Variants in PIP5K1B observed in about 807,000 individuals in gnomAD.
PIP5K1B encodes the protein phosphatidylinositol-4-phosphate 5-kinase type 1 beta, also known as phosphatidylinositol 4-phosphate 5-kinase type-1 beta.
Under a neutral mutation model 67.0 loss-of-function variants are expected in PIP5K1B, and 42 were observed. That is an observed-to-expected ratio of 0.63 (90% confidence interval 0.49 to 0.81). The LOEUF (loss-of-function observed/expected upper bound fraction) is 0.81. Among genes scored for constraint, PIP5K1B ranks in the 30% least tolerant of loss-of-function variants. The pLI, the probability that PIP5K1B is intolerant of heterozygous loss-of-function variation, is 0.00. For missense variants in PIP5K1B, 459 were observed against 646.3 expected, an observed-to-expected ratio of 0.71 and a Z score of 3.14; for synonymous variants, 214 against 231.4, an observed-to-expected ratio of 0.92 and a Z score of 0.68.
intron 6 of PIP5K1B, among the ~76,000 whole-genome samples, chr9:68,877,491 G>A (rs1823956218): frequency 6.6e-6 from 1 of 152,100 alleles, no homozygotes; most frequent in African/African-American, 2.4e-5. Flanking sequence ...TAACACCCTG[G>A]GGGCTCCTCA....
chr9:68,952,137 A>T (rs941063674), intron 14 of PIP5K1B, among the ~76,000 whole-genome samples: 9 of 152,048 alleles, frequency 5.9e-5, no homozygotes, highest in African/African-American at 2.2e-4. Flanking sequence ...ACTATGTTTC[A>T]GTTTCCTTTC....
At position 68,977,504 on chromosome 9, in the gene PIP5K1B, T is replaced by C. The variant is rs150557335; in HGVS notation, c.1503-13636T>C. Among the ~76,000 whole-genome samples, 345 of 152,306 alleles carry C rather than the reference T, an allele frequency of 2.3e-3. 1 individual carries two copies. Among genetic ancestry groups the C allele is most frequent in the Non-Finnish European group, 4.0e-3 (270 of 68,008 alleles). The stretch of plus-strand genomic sequence containing the variant: ...GGCTACTGCACTCCAGCCTGGGTGA[T>C]AGAGCAAGACTTTGTCTCAAAAAAA... On this transcript the variant is annotated intron_variant, in intron 14 of 15. Transcript: ENST00000265382.
intron 2 of PIP5K1B, among the ~76,000 whole-genome samples, chr9:68,743,207 C>CT (rs113151542): frequency 0.018 from 2,493 of 137,522 alleles, 24 homozygotes; most frequent in Non-Finnish European, 0.023. Flanking sequence ...AATACCAAAA[C>CT]TTTTTTTTTT....
At chr9:68,967,527 C>T (rs1386701519) in intron 14 of PIP5K1B, among the ~76,000 whole-genome samples, 3 of 152,046 alleles carry the variant, frequency 2.0e-5, no homozygotes, top group Non-Finnish European at 1.5e-5. Flanking sequence ...AAAGAAAAAC[C>T]TCAACTACCA....
intron 14 of PIP5K1B, among the ~76,000 whole-genome samples, chr9:68,949,193 T>C (rs55770390): frequency 0.011 from 1,673 of 152,318 alleles, 30 homozygotes; most frequent in African/African-American, 0.038. Flanking sequence ...ACTAGTGCTA[T>C]GTCTCTGGAA....
chr9:68,906,229 A>T (rs535212328), intron 8 of PIP5K1B, among the ~76,000 whole-genome samples: 2 of 151,936 alleles, frequency 1.3e-5, no homozygotes. Context: ...ATGTTGCCTA[A>T]TTTGGTCTGG....
rs376813387 is a variant in PIP5K1B at position 68,880,912 on chromosome 9, C to T, written c.318+4118C>T. ...AGTCTCTGGAAGCTCACCTCCAAAC[C>T]GCTCTATCTGGGACTGCACCTAATG... On this transcript the variant is annotated intron_variant, in intron 6 of 15. Coordinates refer to ENST00000265382, the MANE Select transcript of PIP5K1B (RefSeq NM_003558.4). Among the ~76,000 whole-genome samples the T allele has an allele frequency of 1.4e-4, 22 of 152,296 alleles. No individual in the cohort carries two copies. The South Asian group carries it at 3.5e-3, about 24-fold the overall frequency.
chr9:68,834,902 C>G (rs1834515402), intron 4 of PIP5K1B, among the ~76,000 whole-genome samples: 1 of 152,122 alleles, frequency 6.6e-6, no homozygotes, highest in Admixed American at 6.5e-5. Context: ...TCAGCTGTTC[C>G]TGGAAGAACT....
rs143709946 is a variant in PIP5K1B, at chr9:68,954,263, C to G, written c.1502+13473C>G. 3.1e-3 allele frequency among the ~76,000 whole-genome samples: 478 copies of G among 152,232 alleles called. 1 individual carries two copies. Among genetic ancestry groups the G allele is most frequent in the African/African-American group, 0.011 (451 of 41,534 alleles). On this transcript the variant is annotated intron_variant, in intron 14 of 15. Coordinates refer to ENST00000265382, the MANE Select transcript of PIP5K1B (RefSeq NM_003558.4). ...TAAATTTTGTCTCTCTTAGCTTCTT[C>G]CAATCTTCTCCCCTCTTTATAGGTT... is the stretch of plus-strand genomic sequence containing the variant.
intron 7 of PIP5K1B, among the ~76,000 whole-genome samples, chr9:68,893,629 GCCTC>G (rs1824928396): frequency 6.6e-6 from 1 of 152,026 alleles, no homozygotes; most frequent in African/African-American, 2.4e-5. Context: ...ACAGTGCCCA[GCCTC>G]CCTGTTTTTT....
chr9:68,845,748 A>G (rs985786088), intron 4 of PIP5K1B, among the ~76,000 whole-genome samples: 1 of 152,206 alleles, frequency 6.6e-6, no homozygotes, highest in African/African-American at 2.4e-5. Flanking sequence ...TAGCATCTTG[A>G]CTACAATGTA....
intron 7 of PIP5K1B, 128 bp from the exon 8 acceptor site, chr9:68,894,211 T>C (rs995288077): frequency 1.5e-6 from 1 of 668,436 alleles, no homozygotes; most frequent in Non-Finnish European, 2.5e-6. Context: ...ATTTTAGTAA[T>C]GAACATTAAT....
chr9:68,846,704 A>G (rs1822209090), intron 4 of PIP5K1B, among the ~76,000 whole-genome samples: 1 of 152,144 alleles, frequency 6.6e-6, no homozygotes, highest in African/African-American at 2.4e-5. Context: ...TAAACCTTGG[A>G]TCCCTGAGCT....
At chr9:68,965,448 C>G (rs1828970905) in intron 14 of PIP5K1B, 1 of 152,162 alleles carries the variant, frequency 6.6e-6, no homozygotes. Context: ...CTGGGAATGA[C>G]TTAAGGAAAC....
intron 1 of PIP5K1B, among the ~76,000 whole-genome samples, chr9:68,737,441 G>C (rs1248814620): frequency 2.0e-5 from 3 of 152,298 alleles, no homozygotes; most frequent in Middle Eastern, 3.4e-3. Context: ...GCAGAACTAT[G>C]TTGCTTTCAA....
intron 8 of PIP5K1B, among the ~76,000 whole-genome samples, chr9:68,911,239 G>A (rs772989755): frequency 1.3e-5 from 2 of 152,138 alleles, no homozygotes; most frequent in African/African-American, 2.4e-5. Context: ...TGGTCATGGC[G>A]GCACACGCCT....
At position 68,875,080 on chromosome 9, in the gene PIP5K1B, A is replaced by G. The variant is rs568176852; in HGVS notation, c.201-1597A>G. On this transcript the variant is annotated intron_variant, in intron 5 of 15. Coordinates refer to ENST00000265382, the MANE Select transcript of PIP5K1B (RefSeq NM_003558.4). ...CAGCACTGGGGCATCATGCATACTGAATATTCAACAATAACCATTTGAATG... is the reference window on the plus strand; with the variant it reads ...CAGCACTGGGGCATCATGCATACTGGATATTCAACAATAACCATTTGAATG... Among the ~76,000 whole-genome samples, 469 of 152,190 alleles carry G rather than the reference A, an allele frequency of 3.1e-3. 2 individuals carry two copies. Among genetic ancestry groups the G allele is most frequent in the Middle Eastern group, 0.014 (4 of 294 alleles).
intron 2 of PIP5K1B, chr9:68,781,576 G>T (rs1404460892): frequency 6.0e-6 from 1 of 166,940 alleles, no homozygotes; most frequent in Non-Finnish European, 1.5e-5. Flanking sequence ...GGGTACTGAA[G>T]TGGATGGGAG....
In PIP5K1B at chr9:69,008,713, G is replaced by A. The variant is rs758219130; in HGVS notation, c.*264G>A. 3 of 432,294 alleles carry A rather than the reference G, an allele frequency of 6.9e-6. No individual in the cohort carries two copies. Among genetic ancestry groups the A allele is most frequent in the Non-Finnish European group, 1.3e-5 (3 of 234,952 alleles). The allele number at this position is 432,294 out of a possible 1,614,324, so 26.8% of individuals were successfully genotyped here. ...ATGAACTATATTTAAGCTGCTTTCTGTACCATTGCCAATCACCTTTTTGGA... is the reference window on the plus strand; with the variant it reads ...ATGAACTATATTTAAGCTGCTTTCTATACCATTGCCAATCACCTTTTTGGA... On this transcript the variant is annotated 3_prime_UTR_variant, in exon 16 of 16. Coordinates refer to ENST00000265382, the MANE Select transcript of PIP5K1B (RefSeq NM_003558.4).
Sources: allele counts gnomAD v4.1 joint callset (sites outside exome capture counted in the v4.1 genomes callset), GRCh38; gene constraint gnomAD v4.1.1; transcripts MANE v1.5; gene names NCBI Gene and HGNC (gene_info 2026-07-23, HGNC 2026-07-21).